MYO16: variants seen among roughly 807,000 people sequenced by gnomAD.
The protein encoded by MYO16 is unconventional myosin-XVI.
In MYO16, 94 loss-of-function variants were observed where a neutral mutation model predicts 205.3. That is an observed-to-expected ratio of 0.46 (90% CI 0.39 to 0.54). MYO16 has a LOEUF of 0.54. Ranked by LOEUF, MYO16 falls within the 20% of genes least tolerant of loss-of-function variation. The pLI is 0.00. For missense variants in MYO16, 2,315 were observed against 2,387.5 expected, an observed-to-expected ratio of 0.97 and a Z score of 0.63; for synonymous variants, 988 against 954.0, an observed-to-expected ratio of 1.04 and a Z score of -0.66.
chr13:108,927,373 C>G (rs529869733), intron 16 of MYO16, among the ~76,000 whole-genome samples: 1 of 152,098 alleles, frequency 6.6e-6, no homozygotes, highest in Non-Finnish European at 1.5e-5. Flanking sequence ...ACCTCTGAGG[C>G]CTTTGACTTC....
intron 27 of MYO16, among the ~76,000 whole-genome samples, chr13:109,089,989 G>A (rs1246456144): frequency 1.3e-5 from 2 of 152,226 alleles, no homozygotes; most frequent in African/African-American, 4.8e-5. Flanking sequence ...GTTCCAAGGA[G>A]GCTCTTGAGC....
intron 1 of MYO16, among the ~76,000 whole-genome samples, chr13:108,613,995 A>T (rs185406208): frequency 8.5e-5 from 13 of 152,246 alleles, no homozygotes; most frequent in Non-Finnish European, 1.3e-4. Context: ...CTTACATAAC[A>T]AAATGAAATA....
rs564940224 is a variant in MYO16, at chr13:109,040,759, A to G, written c.2797-6157A>G. Among the ~76,000 whole-genome samples, 3 of 152,322 alleles carry G rather than the reference A, an allele frequency of 2.0e-5. No individual in the cohort carries two copies. In the South Asian group the frequency reaches 6.2e-4, roughly 32 times the overall value. The stretch of plus-strand genomic sequence containing the variant: ...CTACAAAAATCCTACAGCCAATATT[A>G]TATTTAAGGGTGAAATCTGGATGTT... On this transcript the variant is annotated intron_variant, in intron 23 of 34. Coordinates refer to ENST00000457511, the MANE Select transcript of MYO16 (RefSeq NM_001198950.3).
At chr13:108,677,489 G>A (rs1322456746) in intron 2 of MYO16, among the ~76,000 whole-genome samples, 1 of 150,788 alleles carries the variant, frequency 6.6e-6, no homozygotes, top group Non-Finnish European at 1.5e-5. Context: ...TGATATATAT[G>A]TATATATACT....
chr13:108,898,500 G>A (rs912907886), intron 15 of MYO16, among the ~76,000 whole-genome samples: 11 of 152,014 alleles, frequency 7.2e-5, no homozygotes, highest in Admixed American at 6.6e-5. Context: ...GCTATATAAT[G>A]AGAAACCAAA....
the MYO16 span, among the ~76,000 whole-genome samples, chr13:108,537,816 T>A: frequency 6.6e-6 from 1 of 152,120 alleles, no homozygotes; most frequent in African/African-American, 2.4e-5. Flanking sequence ...TTTTGAGAAA[T>A]GTCTGTTCAT....
chr13:108,552,453 C>G, the MYO16 span, among the ~76,000 whole-genome samples: 2 of 152,222 alleles, frequency 1.3e-5, no homozygotes, highest in South Asian at 4.1e-4. Context: ...ACTCTCTTCT[C>G]GGCTCTGCCT....
rs549794026 is a variant in MYO16 at position 109,146,910 on chromosome 13, T to A, written c.5164+5534T>A. ...ACCATTTAAATAATATATATTTAAA[T>A]ATTTATAAATATTTTATCATAGATG... On this transcript the variant is annotated intron_variant, in intron 32 of 34. Coordinates refer to ENST00000457511, the MANE Select transcript of MYO16 (RefSeq NM_001198950.3). 8.5e-4 allele frequency among the ~76,000 whole-genome samples: 129 copies of A among 151,632 alleles called. 1 individual carries two copies. The highest frequency in any genetic ancestry group is 2.9e-3 in the African/African-American group (120 of 41,520).
chr13:109,018,982 T>G (rs1442132731), intron 22 of MYO16, among the ~76,000 whole-genome samples: 1 of 151,780 alleles, frequency 6.6e-6, no homozygotes, highest in Non-Finnish European at 1.5e-5. Flanking sequence ...TTGTTTTTTT[T>G]TTTTTGAGGC....
rs1346917 is a variant in MYO16 at position 109,029,000 on chromosome 13, T to G, written c.2796+9089T>G. On this transcript the variant is annotated intron_variant, in intron 23 of 34. Coordinates refer to ENST00000457511, the MANE Select transcript of MYO16 (RefSeq NM_001198950.3). Reference sequence around the variant, plus strand: ...CCTATTGTTTAGATTTATGCTGTTATGCAGGTCCCCGAGTAGAGATCTTTG... The same window carrying G: ...CCTATTGTTTAGATTTATGCTGTTAGGCAGGTCCCCGAGTAGAGATCTTTG... Among the ~76,000 whole-genome samples, 429 of 152,234 alleles carry G rather than the reference T, an allele frequency of 2.8e-3. 1 individual carries two copies. Among genetic ancestry groups the G allele is most frequent in the African/African-American group, 9.8e-3 (406 of 41,520 alleles).
chr13:108,748,981 A>G (rs1375309908), intron 4 of MYO16, among the ~76,000 whole-genome samples: 2 of 152,126 alleles, frequency 1.3e-5, no homozygotes, highest in Admixed American at 1.3e-4. Flanking sequence ...GATAAGTTGG[A>G]CTATGATATG....
intron 4 of MYO16, among the ~76,000 whole-genome samples, chr13:108,771,052 G>A (rs17391449): frequency 0.079 from 12,072 of 152,136 alleles, 614 homozygotes; most frequent in Non-Finnish European, 0.12. Context: ...TGCTAATGGC[G>A]TATTTTCTGA....
chr13:109,107,184 A>G (rs1269167713), intron 28 of MYO16, among the ~76,000 whole-genome samples: 3 of 152,224 alleles, frequency 2.0e-5, no homozygotes, highest in African/African-American at 4.8e-5. Context: ...AACAAAAAAC[A>G]TACTCCAAAT....
At chr13:109,098,830 A>C (rs1046647098) in intron 27 of MYO16, among the ~76,000 whole-genome samples, 1 of 152,212 alleles carries the variant, frequency 6.6e-6, no homozygotes, top group African/African-American at 2.4e-5. Context: ...GTCATACATC[A>C]TAATCTGATC....
At chr13:108,773,763 T>C (rs573339410) in intron 4 of MYO16, among the ~76,000 whole-genome samples, 7 of 152,294 alleles carry the variant, frequency 4.6e-5, no homozygotes, top group African/African-American at 1.7e-4. Context: ...GCATTACTCT[T>C]GCAACTTTCC....
In MYO16 at chr13:108,986,622, CAAAAAAA is replaced by C. The variant is rs11350100; in HGVS notation, c.2370-5736_2370-5730del. On this transcript the variant is annotated intron_variant, in intron 20 of 34. Coordinates refer to ENST00000457511, the MANE Select transcript of MYO16 (RefSeq NM_001198950.3). ...GGGCAACAAGAGCGAAACTCCGTCT[CAAAAAAA>C]AAAAAAAAAAAAAAAAAGATAGTAT... Among the ~76,000 whole-genome samples, 8 of 69,540 alleles carry C rather than the reference CAAAAAAA, an allele frequency of 1.2e-4. No individual in the cohort carries two copies. The South Asian group carries it at 4.3e-3, about 38-fold the overall frequency. 45.6% of individuals were successfully genotyped at this position (69,540 alleles called of 152,430 possible).
At chr13:108,721,793 T>A (rs1884173913) in intron 3 of MYO16, among the ~76,000 whole-genome samples, 1 of 152,150 alleles carries the variant, frequency 6.6e-6, no homozygotes, top group Non-Finnish European at 1.5e-5. Flanking sequence ...GGAGAGATGG[T>A]GTTTTCAGAG....
intron 5 of MYO16, among the ~76,000 whole-genome samples, chr13:108,790,764 G>A (rs962020936): frequency 6.6e-6 from 1 of 152,058 alleles, no homozygotes; most frequent in African/African-American, 2.4e-5. Context: ...TCAAATATTA[G>A]GATACAATGT....
At chr13:108,770,608 C>T (rs1885929996) in intron 4 of MYO16, among the ~76,000 whole-genome samples, 2 of 152,282 alleles carry the variant, frequency 1.3e-5, no homozygotes, top group Non-Finnish European at 2.9e-5. Context: ...GTTACCACCT[C>T]ATAACTCTCT....
Sources: gnomAD v4.1 joint callset for allele counts (sites outside exome capture counted in the v4.1 genomes callset) on GRCh38, gnomAD v4.1.1 for gene constraint, MANE v1.5 for transcripts, NCBI Gene and HGNC (gene_info 2026-07-23, HGNC 2026-07-21) for gene names.